ZNF329: variants seen among roughly 807,000 people sequenced by gnomAD.
The protein encoded by ZNF329 is zinc finger protein 329.
In ZNF329, 15 loss-of-function variants were observed where a neutral mutation model predicts 26.6. The ratio of observed to expected loss-of-function variants is 0.56; its 90% confidence interval spans 0.38 to 0.87. The LOEUF (loss-of-function observed/expected upper bound fraction) is 0.87, where lower values mean the gene tolerates loss of function less well. Among genes scored for constraint, ZNF329 ranks in the 40% least tolerant of loss-of-function variants. The pLI, the probability that ZNF329 is intolerant of heterozygous loss-of-function variation, is 0.00. For synonymous variants in ZNF329, 239 were observed against 233.5 expected, an observed-to-expected ratio of 1.02 and a Z score of -0.21; for missense variants, 651 against 651.9, an observed-to-expected ratio of 1.00 and a Z score of 0.02.
chr19:58,129,031 T>C lies in ZNF329; in HGVS notation c.473A>G (p.His158Arg), dbSNP rs2074872773. The C allele has an allele frequency of 1.2e-6, 2 of 1,613,812 alleles. No homozygotes were observed. The highest frequency in any genetic ancestry group is 1.3e-5 in the African/African-American group (1 of 74,910). Residue 158 changes from histidine (H) to arginine (R), a missense_variant, in exon 4 of 4, where the codon CAT becomes CGT. Transcript: ENST00000598312. Reference sequence around the variant, plus strand: ...TTTCTGATGACCAAGAGAGGTAAAATGATTAAAAGACTTAACACTTTCAGG... The same window carrying C: ...TTTCTGATGACCAAGAGAGGTAAAACGATTAAAAGACTTAACACTTTCAGG... Reference protein sequence around the residue: ...KYPESVKSFNHFTSLGHQKIM... With the variant: ...KYPESVKSFNRFTSLGHQKIM...
At chr19:58,131,725 A>C (rs575559002) in intron 3 of ZNF329, among the ~76,000 whole-genome samples, 1 of 152,136 alleles carries the variant, frequency 6.6e-6, no homozygotes, top group South Asian at 2.1e-4. Context: ...GGAAAATAGA[A>C]ATGTCCTGAA....
intron 1 of ZNF329, among the ~76,000 whole-genome samples, chr19:58,147,390 C>A (rs1460308938): frequency 6.6e-6 from 1 of 150,644 alleles, no homozygotes; most frequent in Non-Finnish European, 1.5e-5. Context: ...AGCGTCTCCG[C>A]CTGGCAGCCA....
At chr19:58,134,536 G>A (rs898823101) in intron 3 of ZNF329, among the ~76,000 whole-genome samples, 1 of 152,196 alleles carries the variant, frequency 6.6e-6, no homozygotes, top group African/African-American at 2.4e-5. Context: ...GTGAAAGGAT[G>A]GGACAGGTGA....
chr19:58,150,398 G>A (rs1361723287), intron 1 of ZNF329, among the ~76,000 whole-genome samples: 2 of 152,206 alleles, frequency 1.3e-5, no homozygotes, highest in African/African-American at 4.8e-5. Flanking sequence ...GACGGACCAG[G>A]ACACCCAGCA....
intron 1 of ZNF329, among the ~76,000 whole-genome samples, chr19:58,144,693 ATTT>A (rs34490866): frequency 9.4e-5 from 12 of 127,654 alleles, no homozygotes; most frequent in Middle Eastern, 4.3e-3. Flanking sequence ...CCAGCCAAGA[ATTT>A]TTTTTTTTTT....
intron 1 of ZNF329, among the ~76,000 whole-genome samples, chr19:58,147,823 G>A (rs931789190): frequency 2.7e-5 from 4 of 149,148 alleles, no homozygotes; most frequent in South Asian, 2.1e-4. Flanking sequence ...GGTGAGGGGC[G>A]CCTCTGCCCA....
chr19:58,144,050 C>A (rs892411648), intron 1 of ZNF329, among the ~76,000 whole-genome samples: 2 of 151,862 alleles, frequency 1.3e-5, no homozygotes, highest in African/African-American at 4.8e-5. Context: ...CATTTCACTC[C>A]AGCCCGGGCA....
chr19:58,128,173 C>G lies in ZNF329; in HGVS notation c.1331G>C (p.Arg444Thr), dbSNP rs973746128. 13 of 1,585,872 alleles carry G rather than the reference C, an allele frequency of 8.2e-6. No homozygotes were observed. Among genetic ancestry groups the G allele is most frequent in the Non-Finnish European group, 6.9e-6 (8 of 1,167,228 alleles). The change falls in exon 4 of 4, where the codon AGG becomes ACG. Residue 444 changes from arginine to threonine, a missense_variant. Transcript: ENST00000598312. ...CTCACCAGTATGAGTCCTCTGGTGC[C>G]TAATGAGGCCAGCGATATTCCTGAA... Reference protein sequence around the residue: ...KLFRNIAGLIRHQRTHTGEKP... With the variant: ...KLFRNIAGLITHQRTHTGEKP...
intron 3 of ZNF329, among the ~76,000 whole-genome samples, chr19:58,136,284 A>G (rs1047392929): frequency 2.6e-5 from 4 of 152,032 alleles, no homozygotes; most frequent in African/African-American, 9.7e-5. Flanking sequence ...CACAATGATG[A>G]AAACAGCACA....
intron 3 of ZNF329, among the ~76,000 whole-genome samples, chr19:58,131,994 G>T (rs893485282): frequency 7.4e-6 from 1 of 135,792 alleles, no homozygotes; most frequent in Admixed American, 8.4e-5. Context: ...CTGCACTCCA[G>T]CCTGGGCAAC....
chr19:58,129,182 G>A lies in ZNF329; in HGVS notation c.322C>T (p.Pro108Ser), dbSNP rs1378327907. 6.2e-7 allele frequency: 1 copy of A among 1,614,062 alleles called. No homozygotes were observed. The highest frequency in any genetic ancestry group is 8.5e-7 in the Non-Finnish European group (1 of 1,180,058). Residue 108 changes from proline to serine, a missense_variant, in exon 4 of 4, where the codon CCC (proline) becomes TCC (serine). Physicochemically the swap from Pro to Ser is moderately conservative, Grantham distance 74. Coordinates refer to ENST00000598312, the MANE Select transcript of ZNF329 (RefSeq NM_024620.4). Reference sequence around the variant, plus strand: ...TCTGCATAACTTTTAGGATAGCTGGGTAAGGCGGGGTCACAATCCAGACCA... The same window carrying A: ...TCTGCATAACTTTTAGGATAGCTGGATAAGGCGGGGTCACAATCCAGACCA... ...VSGLDCDPAL[P>S]SYPKSYADKR...
chr19:58,152,462 A>T (rs141880642), upstream of ZNF329, among the ~76,000 whole-genome samples: 1 of 152,174 alleles, frequency 6.6e-6, no homozygotes, highest in East Asian at 1.9e-4. Flanking sequence ...CTACTAAACA[A>T]AAGTATAGCA....
intron 1 of ZNF329, among the ~76,000 whole-genome samples, chr19:58,146,805 G>A (rs954413666): frequency 3.3e-5 from 5 of 151,834 alleles, no homozygotes; most frequent in Non-Finnish European, 7.4e-5. Context: ...CGCCAGCCTC[G>A]GCCTCCCGAG....
intron 3 of ZNF329, among the ~76,000 whole-genome samples, chr19:58,130,157 T>C (rs958966762): frequency 3.9e-5 from 6 of 151,902 alleles, no homozygotes; most frequent in African/African-American, 1.5e-4. Context: ...CCGTCTCTAC[T>C]AAAAATACAA....
intron 3 of ZNF329, among the ~76,000 whole-genome samples, chr19:58,137,734 C>T (rs2075102386): frequency 6.8e-6 from 1 of 147,264 alleles, no homozygotes; most frequent in South Asian, 2.1e-4. Flanking sequence ...GAGGCTAAGG[C>T]AGGTGGACTG....
In ZNF329 at chr19:58,129,527, A is replaced by T. The variant is rs753218685; in HGVS notation, c.-8-16T>A. ...ATATCCCAAACTGCAAAAAGAAGAA[A>T]AATGCAGACTTAGGTATATGAAGCT... is the stretch of plus-strand genomic sequence containing the variant. On this transcript the variant is annotated splice_polypyrimidine_tract_variant and intron_variant, in intron 3 of 3. Transcript: ENST00000598312. The T allele has an allele frequency of 2.4e-5, 38 of 1,560,118 alleles. No individual in the cohort carries two copies. The South Asian group carries it at 4.4e-4, about 18-fold the overall frequency.
At chr19:58,145,150 T>C (rs1443591279) in intron 1 of ZNF329, among the ~76,000 whole-genome samples, 1 of 141,628 alleles carries the variant, frequency 7.1e-6, no homozygotes, top group Non-Finnish European at 1.5e-5. Flanking sequence ...CGCCTGGCCA[T>C]TTTTTTTTTT....
intron 1 of ZNF329, among the ~76,000 whole-genome samples, chr19:58,144,645 T>C (rs2075266074): frequency 6.7e-6 from 1 of 150,374 alleles, no homozygotes; most frequent in Admixed American, 6.6e-5. Flanking sequence ...TGCCTCGACC[T>C]CCCAAAATGC....
chr19:58,146,676 G>C (rs1021565227), intron 1 of ZNF329, among the ~76,000 whole-genome samples: 33 of 149,284 alleles, frequency 2.2e-4, no homozygotes, highest in African/African-American at 6.9e-4. Context: ...TCAGCCTGCC[G>C]AGTGCCTGCA....
Sources: allele counts gnomAD v4.1 joint callset (sites outside exome capture counted in the v4.1 genomes callset), GRCh38; gene constraint gnomAD v4.1.1; transcripts MANE v1.5; gene names NCBI Gene and HGNC (gene_info 2026-07-23, HGNC 2026-07-21).